RGL1: variants seen among roughly 807,000 people sequenced by gnomAD.
RGL1 encodes the protein ral guanine nucleotide dissociation stimulator like 1.
Under a neutral mutation model 95.2 loss-of-function variants are expected in RGL1, and 24 were observed. The observed-to-expected ratio is 0.25, with a 90% CI of 0.18 to 0.35. The LOEUF (loss-of-function observed/expected upper bound fraction) is 0.35. Ranked by LOEUF, RGL1 falls within the 10% of genes least tolerant of loss-of-function variation. RGL1 has a pLI of 1.00. For missense variants in RGL1, 715 were observed against 936.3 expected, an observed-to-expected ratio of 0.76 and a Z score of 3.08; for synonymous variants, 329 against 344.9, an observed-to-expected ratio of 0.95 and a Z score of 0.51.
intron 13 of RGL1, among the ~76,000 whole-genome samples, chr1:183,905,647 C>G (rs1419213208): frequency 1.3e-5 from 2 of 152,156 alleles, no homozygotes; most frequent in East Asian, 3.9e-4. Flanking sequence ...ACACAAAGAA[C>G]AGTTTAAAAA....
intron 1 of RGL1, among the ~76,000 whole-genome samples, chr1:183,645,488 C>T (rs565343365): frequency 6.6e-6 from 1 of 152,324 alleles, no homozygotes; most frequent in African/African-American, 2.4e-5. Context: ...TAATTTACTT[C>T]TATTTTCTTT....
intron 14 of RGL1, among the ~76,000 whole-genome samples, chr1:183,910,913 A>C (rs1461074869): frequency 6.6e-6 from 1 of 152,182 alleles, no homozygotes; most frequent in East Asian, 1.9e-4. Context: ...AGACATGCAG[A>C]TATTTGTTGG....
intron 1 of RGL1, among the ~76,000 whole-genome samples, chr1:183,715,668 G>A (rs540458189): frequency 1.3e-5 from 2 of 149,454 alleles, no homozygotes; most frequent in African/African-American, 4.9e-5. Flanking sequence ...ATTATCTTCA[G>A]ATACATATTA....
At chr1:183,771,581 G>A (rs1659274012) in intron 2 of RGL1, among the ~76,000 whole-genome samples, 1 of 152,164 alleles carries the variant, frequency 6.6e-6, no homozygotes, top group Admixed American at 6.5e-5. Context: ...CCCATGAAAG[G>A]GAATAGAAGC....
chr1:183,675,488 T>C (rs779097800), intron 1 of RGL1, among the ~76,000 whole-genome samples: 3 of 151,870 alleles, frequency 2.0e-5, no homozygotes, highest in Non-Finnish European at 4.4e-5. Flanking sequence ...GTGTTATCAC[T>C]ATTACAAAAA....
chr1:183,652,398 A>G (rs1375458088), intron 1 of RGL1, among the ~76,000 whole-genome samples: 1 of 152,210 alleles, frequency 6.6e-6, no homozygotes, highest in African/African-American at 2.4e-5. Context: ...TTTCAGTGTC[A>G]ACCAACTATA....
Position 183,880,720 on chromosome 1 carries a change from G to T in RGL1, c.530G>T (p.Arg177Leu). The change falls in exon 5 of 18, where the codon CGG becomes CTG. Residue 177 changes from arginine (R) to leucine (L), a missense_variant. Physicochemically the swap from Arg to Leu is moderately radical, Grantham distance 102. This residue lies in a region of RGL1 where 381 missense variants were observed against 484.8 expected (regional missense o/e 0.79). Transcript: ENST00000360851. Reference sequence around the variant, plus strand: ...CAGAAACTGCTGGATTATCTCACACGGATGATGCCGGGCTCTGACCCAGAA... The same window carrying T: ...CAGAAACTGCTGGATTATCTCACACTGATGATGCCGGGCTCTGACCCAGAA... The part of the protein sequence containing the change: ...CLQKLLDYLT[R>L]MMPGSDPERR... 6.2e-7 allele frequency: 1 copy of T among 1,613,926 alleles called. No individual in the cohort carries two copies. The highest frequency in any genetic ancestry group is 1.1e-5 in the South Asian group (1 of 91,072).
chr1:183,918,586 G>A (rs1669130761), intron 16 of RGL1, among the ~76,000 whole-genome samples: 1 of 152,212 alleles, frequency 6.6e-6, no homozygotes, highest in South Asian at 2.1e-4. Context: ...TGGTTGGACT[G>A]CACAAACCTC....
At chr1:183,795,203 T>C (rs1455176289) in intron 2 of RGL1, among the ~76,000 whole-genome samples, 4 of 152,208 alleles carry the variant, frequency 2.6e-5, no homozygotes, top group Non-Finnish European at 5.9e-5. Context: ...TATCTATCTA[T>C]ATCAAATTAT....
intron 3 of RGL1, among the ~76,000 whole-genome samples, chr1:183,852,753 C>G (rs956951422): frequency 1.3e-5 from 2 of 152,120 alleles, no homozygotes; most frequent in Non-Finnish European, 2.9e-5. Context: ...GCAGAAGTTG[C>G]AGTGAGCTGA....
intron 1 of RGL1, among the ~76,000 whole-genome samples, chr1:183,715,562 A>G (rs1390795261): frequency 6.6e-6 from 1 of 152,176 alleles, no homozygotes; most frequent in Non-Finnish European, 1.5e-5. Flanking sequence ...GGTGACAGAG[A>G]CTATTAACAC....
At chr1:183,638,999 G>C (rs181349800) in intron 1 of RGL1, among the ~76,000 whole-genome samples, 19 of 152,282 alleles carry the variant, frequency 1.2e-4, no homozygotes, top group African/African-American at 4.6e-4. Context: ...TTGAATCCTG[G>C]CTGGGCGTGG....
intron 3 of RGL1, among the ~76,000 whole-genome samples, chr1:183,851,280 C>G (rs1221596524): frequency 6.6e-6 from 1 of 152,156 alleles, no homozygotes; most frequent in Non-Finnish European, 1.5e-5. Flanking sequence ...GACAAGTACT[C>G]AATGCCTACA....
At chr1:183,738,591 T>C (rs1459762276) in intron 1 of RGL1, among the ~76,000 whole-genome samples, 1 of 152,074 alleles carries the variant, frequency 6.6e-6, no homozygotes, top group East Asian at 1.9e-4. Flanking sequence ...AAACCTATAA[T>C]GCATGAATTG....
intron 1 of RGL1, among the ~76,000 whole-genome samples, chr1:183,650,244 T>A (rs1224098341): frequency 6.6e-6 from 1 of 150,920 alleles, no homozygotes; most frequent in African/African-American, 2.5e-5. Flanking sequence ...TTTTCCCATG[T>A]TATTAAAAAT....
At chr1:183,710,913 C>T (rs1655224499) in intron 1 of RGL1, among the ~76,000 whole-genome samples, 1 of 152,218 alleles carries the variant, frequency 6.6e-6, no homozygotes, top group Non-Finnish European at 1.5e-5. Flanking sequence ...CCTTGCTTAT[C>T]TGGGTGCCAT....
chr1:183,720,343 C>A (rs6691951), intron 1 of RGL1, among the ~76,000 whole-genome samples: 2,312 of 152,310 alleles, frequency 0.015, 69 homozygotes, highest in African/African-American at 0.053. Flanking sequence ...GCCTCTGGCA[C>A]CCACACAGCA....
intron 1 of RGL1, chr1:183,647,873 T>C (rs1650415602): frequency 6.2e-7 from 1 of 1,614,150 alleles, no homozygotes; most frequent in Non-Finnish European, 8.5e-7. Flanking sequence ...CCATATGCAT[T>C]GGTGGTAAGT....
At chr1:183,761,934 C>T (rs1381622077) in intron 2 of RGL1, among the ~76,000 whole-genome samples, 1 of 152,194 alleles carries the variant, frequency 6.6e-6, no homozygotes. Context: ...CCGCTGCAAG[C>T]TTCAAACTTT....
Sources: gnomAD v4.1 joint callset for allele counts (sites outside exome capture counted in the v4.1 genomes callset) on GRCh38, gnomAD v4.1.1 for gene constraint, gnomAD v4.1.1 regional missense constraint, MANE v1.5 for transcripts, NCBI Gene and HGNC (gene_info 2026-07-23, HGNC 2026-07-21) for gene names.